The following SLIT1 variants were observed in gnomAD, a reference collection of about 807,000 sequenced individuals.
SLIT1 encodes slit guidance ligand 1.
In SLIT1, 66 loss-of-function variants were observed where a neutral mutation model predicts 186.1. That is an observed-to-expected ratio of 0.35 (90% confidence interval 0.29 to 0.44). The LOEUF (loss-of-function observed/expected upper bound fraction) is 0.44, where lower values mean the gene tolerates loss of function less well. Ranked by LOEUF, SLIT1 falls within the 20% of genes least tolerant of loss-of-function variation. The pLI is 1.00. For missense variants in SLIT1, 1,638 were observed against 2,037.4 expected (o/e 0.80, Z 3.77); for synonymous variants, 761 against 833.8 (o/e 0.91, Z 1.50).
chr10:97,030,902 C>T, intron 24 of SLIT1, 74 bp from the exon 25 acceptor site: 1 of 1,315,344 alleles, frequency 7.6e-7, no homozygotes, highest in Non-Finnish European at 1.1e-6. Context: ...AGAGGCCCAG[C>T]CCTCTGCAGA....
rs565448245 is a variant in SLIT1 at position 97,002,300 on chromosome 10, C to T, written c.4224G>A (p.Ser1408=). 6.2e-6 allele frequency: 10 copies of T among 1,611,288 alleles called. No homozygotes were observed. The highest frequency in any genetic ancestry group is 3.3e-5 in the South Asian group (3 of 90,748). ...SYSCQCQDGY[S]GALCNQAGAL... ...CCCCGGCCTGGTTGCACAGTGCCCCCGAGTACCCATCCTGGCACTGGCAGC... is the reference window on the plus strand; with the variant it reads ...CCCCGGCCTGGTTGCACAGTGCCCCTGAGTACCCATCCTGGCACTGGCAGC... The change falls in exon 36 of 37, where the codon TCG becomes TCA. Residue 1408 remains serine (S), a synonymous_variant. Coordinates refer to ENST00000266058, the MANE Select transcript of SLIT1 (RefSeq NM_003061.3).
chr10:97,061,520 T>C (rs1005424173), intron 8 of SLIT1, among the ~76,000 whole-genome samples: 5 of 152,282 alleles, frequency 3.3e-5, no homozygotes, highest in African/African-American at 7.2e-5. Flanking sequence ...TTTGTTCTGC[T>C]CGTTTACGAA....
chr10:97,139,611 T>A (rs1475934832), intron 4 of SLIT1, among the ~76,000 whole-genome samples: 1 of 152,176 alleles, frequency 6.6e-6, no homozygotes, highest in East Asian at 1.9e-4. Context: ...GGGAACCTCA[T>A]GGAAGCTGTA....
chr10:97,050,535 A>G (rs767353860), intron 13 of SLIT1, among the ~76,000 whole-genome samples: 1 of 152,198 alleles, frequency 6.6e-6, no homozygotes, highest in Non-Finnish European at 1.5e-5. Context: ...CTTCTGCATC[A>G]AGCTCAACAT....
rs1309307497 is a variant in SLIT1, at chr10:97,163,369, C to A, written c.341+11G>T. The A allele has an allele frequency of 1.2e-6, 2 of 1,612,970 alleles. No individual in the cohort carries two copies. ...CCCCGCCCTCCTGGCCTGCACCCTG[C>A]CAGGACTCACAGCCGCTCCAGCTCC... On this transcript the variant is annotated intron_variant, in intron 3 of 36. Transcript: ENST00000266058.
intron 1 of SLIT1, among the ~76,000 whole-genome samples, chr10:97,175,909 G>A (rs908874476): frequency 1.3e-5 from 2 of 152,152 alleles, no homozygotes; most frequent in African/African-American, 4.8e-5. Context: ...CCTGCAACAT[G>A]GGTGCACCCA....
chr10:97,063,659 C>G (rs143721200), intron 7 of SLIT1, 41 bp from the exon 8 acceptor site: 495 of 1,535,768 alleles, frequency 3.2e-4, no homozygotes, highest in Non-Finnish European at 3.7e-4. Flanking sequence ...TCTGGATCCC[C>G]CAGCCCAGCC....
At chr10:97,177,675 T>TA (rs1341298439) in intron 1 of SLIT1, among the ~76,000 whole-genome samples, 2 of 152,050 alleles carry the variant, frequency 1.3e-5, no homozygotes, top group Non-Finnish European at 2.9e-5. Flanking sequence ...TATGAAACCA[T>TA]AAAAAAAGAA....
chr10:97,056,423 G>T lies in SLIT1; in HGVS notation c.1199C>A (p.Ala400Asp), dbSNP rs745925749. 8.7e-6 allele frequency: 14 copies of T among 1,614,188 alleles called. No individual in the cohort carries two copies. The highest frequency in any genetic ancestry group is 1.6e-4 in the Middle Eastern group (1 of 6,062). Residue 400 changes from alanine (A) to aspartate (D), a missense_variant, in exon 13 of 37, where the codon GCC becomes GAC. Physicochemically the swap from Ala to Asp is moderately radical, Grantham distance 126. Transcript: ENST00000266058. ...ANKINCIRPD[A>D]FQDLQNLSLL... ...TGAGAGGTTCTGCAGGTCCTGGAAG[G>T]CATCGGGCCGGATGCAGTTGATCTT...
chr10:97,077,927 A>G (rs1849060713), intron 4 of SLIT1, among the ~76,000 whole-genome samples: 1 of 152,098 alleles, frequency 6.6e-6, no homozygotes, highest in Non-Finnish European at 1.5e-5. Flanking sequence ...GCAACATAGC[A>G]AGACCTGGTC....
chr10:97,013,276 C>T (rs775989404), intron 30 of SLIT1, among the ~76,000 whole-genome samples: 10 of 152,184 alleles, frequency 6.6e-5, no homozygotes, highest in Non-Finnish European at 1.3e-4. Context: ...TTACCAAATA[C>T]GTCCACCTCA....
intron 1 of SLIT1, among the ~76,000 whole-genome samples, chr10:97,170,768 G>A (rs1341129078): frequency 6.6e-6 from 1 of 152,160 alleles, no homozygotes; most frequent in Non-Finnish European, 1.5e-5. Flanking sequence ...GTTACTAAGG[G>A]AAAAACAAAA....
At chr10:97,062,887 C>CA (rs1359289337) in intron 8 of SLIT1, among the ~76,000 whole-genome samples, 1 of 152,230 alleles carries the variant, frequency 6.6e-6, no homozygotes, top group Non-Finnish European at 1.5e-5. Flanking sequence ...AGGATGTAGG[C>CA]AACCAGTCAG....
rs79478908 is a variant in SLIT1 at position 97,089,088 on chromosome 10, C to G, written c.414-23002G>C. 5.6e-3 allele frequency among the ~76,000 whole-genome samples: 858 copies of G among 152,322 alleles called. 17 individuals carry two copies. The highest frequency in any genetic ancestry group is 0.047 in the East Asian group (241 of 5,178). ...GAAGCCCTGCAGGAGCAGCAGCCAG[C>G]TCCCAGGTGCCAGTGCCACCACAGT... is the stretch of plus-strand genomic sequence containing the variant. On this transcript the variant is annotated intron_variant, in intron 4 of 36. Transcript: ENST00000266058.
At chr10:97,046,226 TTATGGGA>T (rs1848732395) in intron 18 of SLIT1, among the ~76,000 whole-genome samples, 1 of 152,098 alleles carries the variant, frequency 6.6e-6, no homozygotes, top group Admixed American at 6.5e-5. Flanking sequence ...GGGCTGTGGG[TTATGGGA>T]TCCTAGCATC....
At chr10:97,071,384 A>G (rs1848999972) in intron 4 of SLIT1, among the ~76,000 whole-genome samples, 1 of 152,104 alleles carries the variant, frequency 6.6e-6, no homozygotes, top group Non-Finnish European at 1.5e-5. Flanking sequence ...CCGACCACTC[A>G]CCCTTTGGCC....
rs779986146 is a variant in SLIT1, at chr10:97,185,463, G to A, written c.197+15C>T. The stretch of plus-strand genomic sequence containing the variant: ...ACCTCGGAGCCAGGGAGCCAGGGGC[G>A]GGGACCATACTCACAGGCGCTCGGT... On this transcript the variant is annotated intron_variant, in intron 1 of 36. Coordinates refer to ENST00000266058, the MANE Select transcript of SLIT1 (RefSeq NM_003061.3). The A allele has an allele frequency of 1.2e-6, 2 of 1,608,654 alleles. No individual in the cohort carries two copies. Among genetic ancestry groups the A allele is most frequent in the Non-Finnish European group, 1.7e-6 (2 of 1,178,000 alleles).
intron 24 of SLIT1, among the ~76,000 whole-genome samples, chr10:97,031,285 A>G (rs1848588552): frequency 6.6e-6 from 1 of 152,170 alleles, no homozygotes; most frequent in Admixed American, 6.5e-5. Context: ...GAGGTTCACA[A>G]ATCTCTTGCA....
chr10:97,140,717 T>C (rs1589408446), intron 4 of SLIT1, among the ~76,000 whole-genome samples: 1 of 152,142 alleles, frequency 6.6e-6, no homozygotes. Flanking sequence ...GATGGCTGGG[T>C]GGGGGCAGCC....
Sources: allele counts gnomAD v4.1 joint callset (sites outside exome capture counted in the v4.1 genomes callset), GRCh38; gene constraint gnomAD v4.1.1; transcripts MANE v1.5; gene names NCBI Gene and HGNC (gene_info 2026-07-23, HGNC 2026-07-21).